SPTBN5: variants seen among roughly 807,000 people sequenced by gnomAD.
The protein encoded by SPTBN5 is spectrin beta, non-erythrocytic 5.
A neutral mutation model predicts 477.6 loss-of-function variants in SPTBN5; 513 were observed. That is an observed-to-expected ratio of 1.07 (90% CI 1.00 to 1.16). The LOEUF is 1.16. Among genes scored for constraint, SPTBN5 ranks in the 50% most tolerant of loss-of-function variants. The pLI is 0.00. For synonymous variants in SPTBN5, 2,169 were observed against 2,011.7 expected (o/e 1.08, Z -2.09); for missense variants, 5,062 against 4,731.8 (o/e 1.07, Z -2.05).
Position 41,882,304 on chromosome 15 carries a change from C to T in SPTBN5, c.2212G>A (p.Gly738Ser), listed in dbSNP as rs1347050763. Residue 738 changes from glycine (G) to serine (S), a missense_variant, in exon 11 of 68, where the codon GGC (glycine) becomes AGC (serine). Transcript: ENST00000320955. ...AGCAGGGCTGTCTGCAGCCGTGCGC[C>T]CCGCCCCACCACCCGGGTCTGGAGC... Reference protein sequence around the residue: ...QLLQTRVVGRGARLQTALLVL... With the variant: ...QLLQTRVVGRSARLQTALLVL... 13 of 1,525,424 alleles carry T rather than the reference C, an allele frequency of 8.5e-6. No homozygotes were observed. In the South Asian group the frequency reaches 1.4e-4, roughly 17 times the overall value. 94.5% of individuals were successfully genotyped at this position (1,525,424 alleles called of 1,614,324 possible). A position where few individuals can be genotyped will look rare whatever the true frequency, so the allele number is the denominator to read the frequency against.
At position 41,857,588 on chromosome 15, in the gene SPTBN5, G is replaced by T. The variant is rs762858057; in HGVS notation, c.8349C>A (p.Leu2783=). ...ACAACCTCACCTCACAGGCCTTCTG[G>T]AGCTTGGCCACCTTCTTCTGGGAGT... ...QDNSQKKVAK[L]QKACEALRLR... The change falls in exon 50 of 68, where the codon CTC becomes CTA. Residue 2783 remains leucine, a synonymous_variant. Transcript: ENST00000320955. 6.2e-7 allele frequency: 1 copy of T among 1,609,408 alleles called. No homozygotes were observed. The highest frequency in any genetic ancestry group is 8.5e-7 in the Non-Finnish European group (1 of 1,178,094).
At position 41,855,714 on chromosome 15, in the gene SPTBN5, C is replaced by A. The variant is rs770317298; in HGVS notation, c.9053G>T (p.Arg3018Leu). The A allele has an allele frequency of 3.1e-6, 5 of 1,590,706 alleles. No individual in the cohort carries two copies. The highest frequency in any genetic ancestry group is 1.1e-5 in the South Asian group (1 of 89,122). The stretch of plus-strand genomic sequence containing the variant: ...GTCCTCGCTGTCCAGGACATGGCCC[C>A]GCTCAGCCAGCCAGGATCCCGCCTC... The part of the protein sequence containing the change: ...LLEAGSWLAE[R>L]GHVLDSEDMG... Residue 3018 changes from arginine (R) to leucine (L), a missense_variant, in exon 54 of 68, where the codon CGG becomes CTG. Physicochemically the swap from Arg to Leu is moderately radical, Grantham distance 102. Transcript: ENST00000320955.
intron 66 of SPTBN5, 54 bp from the exon 67 acceptor site, chr15:41,850,013 C>T (rs2065699251): frequency 2.1e-6 from 3 of 1,416,684 alleles, no homozygotes; most frequent in African/African-American, 1.4e-5. Flanking sequence ...TCTGCAGGCG[C>T]CAGGTCTGGC....
At chr15:41,890,814 C>T (rs1182689882) in intron 3 of SPTBN5, among the ~76,000 whole-genome samples, 1 of 152,250 alleles carries the variant, frequency 6.6e-6, no homozygotes, top group Non-Finnish European at 1.5e-5. Context: ...CTCTGCCCTA[C>T]ATCCTGCCAT....
chr15:41,852,394 C>T lies in SPTBN5; in HGVS notation c.10450-78G>A. On this transcript the variant is annotated intron_variant, in intron 61 of 67. Transcript: ENST00000320955. ...CACCTCAGGTTCCCGTCTACCTCCC[C>T]TCCCCCAGCCCTCCCGGTCAGAGGG... 4.0e-6 allele frequency: 6 copies of T among 1,483,220 alleles called. No individual in the cohort carries two copies. In the East Asian group the frequency reaches 1.5e-4, roughly 37 times the overall value. The allele number at this position is 1,483,220 out of a possible 1,614,324, so 91.9% of individuals were successfully genotyped here.
In SPTBN5 at chr15:41,886,131, G is replaced by C; in HGVS notation, c.1124C>G (p.Thr375Arg). The C allele has an allele frequency of 1.2e-6, 2 of 1,611,490 alleles. No individual in the cohort carries two copies. Among genetic ancestry groups the C allele is most frequent in the Non-Finnish European group, 1.7e-6 (2 of 1,178,958 alleles). The change falls in exon 7 of 68, where the codon ACA becomes AGA. Residue 375 changes from threonine to arginine, a missense_variant. By Grantham distance (71) the Thr-to-Arg change is moderately conservative (BLOSUM62 -1). Transcript: ENST00000320955. ...AAEALLFRLQ[T>R]ALQAQNRRPF... ...CCTGCGGTTCTGGGCTTGGAGTGCT[G>C]TCTGTAGCCGGAAGAGCAGGGCCTC...
intron 55 of SPTBN5, 104 bp from the exon 56 acceptor site, chr15:41,855,080 C>T (rs573846695): frequency 2.3e-5 from 33 of 1,445,544 alleles, no homozygotes; most frequent in Non-Finnish European, 2.6e-5. Flanking sequence ...ATCCCTCAGC[C>T]CAGGTTCTGG....
Position 41,883,091 on chromosome 15 carries a change from C to A in SPTBN5, c.1797G>T (p.Leu599=). The A allele has an allele frequency of 6.2e-7, 1 of 1,604,742 alleles. No homozygotes were observed. Among genetic ancestry groups the A allele is most frequent in the Non-Finnish European group, 8.5e-7 (1 of 1,176,082 alleles). Residue 599 remains leucine (L), a synonymous_variant, in exon 9 of 68, where the codon CTG becomes CTT. Transcript: ENST00000320955. ...VSHLAQQTAE[L]DSSLGTSVEV... ...CCACACTGGTGCCCAGGGAGGAGTC[C>A]AGCTCTGCTGTCTGCTGAGCAAGAT...
At chr15:41,859,984 C>T (rs767849823) in intron 47 of SPTBN5, among the ~76,000 whole-genome samples, 3 of 152,202 alleles carry the variant, frequency 2.0e-5, no homozygotes, top group South Asian at 2.1e-4. Context: ...GTCTGAGGAG[C>T]TGCATGAAGC....
At chr15:41,880,754 C>T (rs1595501101) in intron 13 of SPTBN5, among the ~76,000 whole-genome samples, 1 of 152,218 alleles carries the variant, frequency 6.6e-6, no homozygotes, top group African/African-American at 2.4e-5. Context: ...TCCTGGCCAG[C>T]ACCCCTGGGT....
At position 41,858,758 on chromosome 15, in the gene SPTBN5, T is replaced by C. The variant is rs1350771293; in HGVS notation, c.8080-10A>G. 3.1e-6 allele frequency: 5 copies of C among 1,608,088 alleles called. No homozygotes were observed. The highest frequency in any genetic ancestry group is 1.3e-5 in the African/African-American group (1 of 74,864). On this transcript the variant is annotated splice_polypyrimidine_tract_variant and intron_variant, in intron 48 of 67. Coordinates refer to ENST00000320955, the MANE Select transcript of SPTBN5 (RefSeq NM_016642.4). The stretch of plus-strand genomic sequence containing the variant: ...TCAGCCACGCAGCCACCTGGGCACA[T>C]GGGGAGGACAGGCCTGCTGTCCAGG...
In SPTBN5 at chr15:41,855,505, G is replaced by C. The variant is rs976580847; in HGVS notation, c.9218+44C>G. 4.4e-6 allele frequency: 7 copies of C among 1,600,152 alleles called. No homozygotes were observed. The African/African-American group carries it at 6.7e-5, about 15-fold the overall frequency. The stretch of plus-strand genomic sequence containing the variant: ...AGCAGTCTCCTGCCATCTCTGTAGG[G>C]GGCTTCTCTCTGCTCCTTCGCGGAT... On this transcript the variant is annotated intron_variant, in intron 54 of 67. Coordinates refer to ENST00000320955, the MANE Select transcript of SPTBN5 (RefSeq NM_016642.4).
Position 41,852,204 on chromosome 15 carries a change from A to C in SPTBN5, c.10562T>G (p.Leu3521Arg). 1 of 1,601,428 alleles carries C rather than the reference A, an allele frequency of 6.2e-7. No individual in the cohort carries two copies. Among genetic ancestry groups the C allele is most frequent in the Non-Finnish European group, 8.5e-7 (1 of 1,171,584 alleles). The change falls in exon 62 of 68, where the codon CTG (leucine) becomes CGG (arginine). Residue 3521 changes from leucine (L) to arginine (R), a missense_variant. Coordinates refer to ENST00000320955, the MANE Select transcript of SPTBN5 (RefSeq NM_016642.4). ...TGCCTGGGGGTCCCTCGTCTCAGCCAGCTGTGCTCCTAGCCCCTGGTGTCC... is the reference window on the plus strand; with the variant it reads ...TGCCTGGGGGTCCCTCGTCTCAGCCCGCTGTGCTCCTAGCCCCTGGTGTCC... Reference protein sequence around the residue: ...PSGHQGLGAQLAETRDPQDAK... With the variant: ...PSGHQGLGAQRAETRDPQDAK...
At chr15:41,852,777 G>GC in intron 60 of SPTBN5, 42 bp from the exon 61 acceptor site, 1 of 1,610,648 alleles carries the variant, frequency 6.2e-7, no homozygotes, top group East Asian at 2.2e-5. Context: ...CTTGGGGGGG[G>GC]GGGCCCAGAG....
intron 52 of SPTBN5, 60 bp downstream of exon 52, chr15:41,856,793 T>C (rs1595448558): frequency 1.3e-6 from 2 of 1,483,652 alleles, no homozygotes; most frequent in African/African-American, 2.8e-5. Flanking sequence ...AGAGTGCCAT[T>C]TCCTTGGCTG....
In SPTBN5 at chr15:41,851,078, T is replaced by C. The variant is rs182895790; in HGVS notation, c.10816A>G (p.Lys3606Glu). 1,284 of 1,612,582 alleles carry C rather than the reference T, an allele frequency of 8.0e-4. 8 individuals are homozygous for C. The South Asian group carries it at 0.011, about 14-fold the overall frequency. ...GCTCACCTTAAGGAGAATGTGTGTTTCCTGCCGTGGCGGCCCCGCAGCCTC... is the reference window on the plus strand; with the variant it reads ...GCTCACCTTAAGGAGAATGTGTGTTCCCTGCCGTGGCGGCCCCGCAGCCTC... ...CERLRGRHGR[K>E]HTFSLRLTSG... The change falls in exon 65 of 68, where the codon AAA (lysine) becomes GAA (glutamate). Residue 3606 changes from lysine (K) to glutamate (E), a missense_variant. Coordinates refer to ENST00000320955, the MANE Select transcript of SPTBN5 (RefSeq NM_016642.4).
rs1415509604 is a variant in SPTBN5 at position 41,877,337 on chromosome 15, G to A, written c.3490C>T (p.Gln1164Ter). ...WQERLQQLDA[Q>*]SQPMAALDCP... ...TCCAAGGCTGCCATGGGCTGGCTCT[G>A]AGCGTCCAGCTGCTGCAGCCTGACC... Residue 1164 changes from glutamine (Q) to a stop codon, truncating the protein, a stop_gained, in exon 18 of 68, where the codon CAG (glutamine) becomes TAG (stop). Coordinates refer to ENST00000320955, the MANE Select transcript of SPTBN5 (RefSeq NM_016642.4). LOFTEE classifies it high-confidence loss of function. 2 of 1,608,890 alleles carry A rather than the reference G, an allele frequency of 1.2e-6. No homozygotes were observed. The highest frequency in any genetic ancestry group is 2.2e-5 in the South Asian group (2 of 90,202).
intron 66 of SPTBN5, chr15:41,850,588 A>G: frequency 2.0e-6 from 1 of 488,318 alleles, no homozygotes; most frequent in South Asian, 3.1e-5. Context: ...TCTGAGTGGC[A>G]GACTCCAAAA....
intron 6 of SPTBN5, among the ~76,000 whole-genome samples, chr15:41,886,815 G>A (rs1200754559): frequency 6.6e-6 from 1 of 152,208 alleles, no homozygotes; most frequent in African/African-American, 2.4e-5. Context: ...CAGAGAGTAA[G>A]GAAGCCCCCC....
Sources: gnomAD v4.1 joint callset for allele counts (sites outside exome capture counted in the v4.1 genomes callset) on GRCh38, gnomAD v4.1.1 for gene constraint, MANE v1.5 for transcripts, NCBI Gene and HGNC (gene_info 2026-07-23, HGNC 2026-07-21) for gene names.